LCLAT1: variants seen among roughly 807,000 people sequenced by gnomAD.
LCLAT1 encodes the protein 1-AGP acyltransferase 8.
LCLAT1 carries 11 observed loss-of-function variants against 30.7 expected under a neutral mutation model. The observed-to-expected ratio is 0.36, with a 90% CI of 0.23 to 0.59. The LOEUF is 0.59. LCLAT1 is among the 20% of genes least tolerant of loss of function. The probability of loss-of-function intolerance (pLI) is 0.77; values close to 1 mark genes in which losing one functional copy is unlikely to be tolerated. For missense variants in LCLAT1, 402 were observed against 458.6 expected (o/e 0.88, Z 1.13); for synonymous variants, 155 against 151.3 (o/e 1.02, Z -0.18).
intron 5 of LCLAT1, among the ~76,000 whole-genome samples, chr2:30,623,970 T>C (rs1445786633): frequency 6.6e-6 from 1 of 152,160 alleles, no homozygotes; most frequent in African/African-American, 2.4e-5. Context: ...TTTAGCCTTC[T>C]TAAAACAATT....
At chr2:30,486,557 G>C (rs1386297263) in intron 1 of LCLAT1, among the ~76,000 whole-genome samples, 2 of 152,074 alleles carry the variant, frequency 1.3e-5, no homozygotes, top group Non-Finnish European at 2.9e-5. Context: ...TTGTTCACAT[G>C]GTTCCCTCCT....
intron 5 of LCLAT1, among the ~76,000 whole-genome samples, chr2:30,595,959 A>G (rs2148484039): frequency 6.6e-6 from 1 of 152,278 alleles, no homozygotes; most frequent in South Asian, 2.1e-4. Context: ...TGTCCCTGCA[A>G]AGGACATGAT....
rs531346445 is a variant in LCLAT1, at chr2:30,499,616, T to C, written c.-4-25971T>C. 3.3e-5 allele frequency among the ~76,000 whole-genome samples: 5 copies of C among 152,356 alleles called. No homozygotes were observed. In the South Asian group the frequency reaches 8.3e-4, roughly 25 times the overall value. On this transcript the variant is annotated intron_variant, in intron 1 of 5. Coordinates refer to ENST00000379509, the MANE Select transcript of LCLAT1 (RefSeq NM_001002257.3). ...ATTTGAACTCTGAATTTCTGTGATA[T>C]GTGATTGTATAGGCAATGTGGCTTT...
intron 5 of LCLAT1, among the ~76,000 whole-genome samples, chr2:30,623,011 G>A (rs900600553): frequency 1.3e-5 from 2 of 151,576 alleles, no homozygotes; most frequent in Non-Finnish European, 2.9e-5. Flanking sequence ...GCTATTCAAG[G>A]AGGCACCAGA....
intron 3 of LCLAT1, among the ~76,000 whole-genome samples, chr2:30,553,209 A>G (rs17395007): frequency 0.095 from 14,459 of 152,242 alleles, 724 homozygotes; most frequent in East Asian, 0.12. Flanking sequence ...GCATAATGCC[A>G]AAATACACAT....
At chr2:30,636,665 T>C (rs1334281992) in intron 5 of LCLAT1, among the ~76,000 whole-genome samples, 1 of 152,152 alleles carries the variant, frequency 6.6e-6, no homozygotes, top group Non-Finnish European at 1.5e-5. Context: ...CTGAACATTA[T>C]AATCCCACAG....
chr2:30,460,275 C>G (rs1003512347), intron 1 of LCLAT1, among the ~76,000 whole-genome samples: 3 of 152,204 alleles, frequency 2.0e-5, no homozygotes, highest in African/African-American at 7.2e-5. Context: ...TCTGCAATCT[C>G]TGGCTGCCAC....
intron 1 of LCLAT1, among the ~76,000 whole-genome samples, chr2:30,496,778 A>G (rs549668766): frequency 6.6e-6 from 1 of 152,260 alleles, no homozygotes; most frequent in Non-Finnish European, 1.5e-5. Context: ...CTTGAACCTA[A>G]CAAGCACGTA....
intron 5 of LCLAT1, among the ~76,000 whole-genome samples, chr2:30,598,269 C>T (rs909176022): frequency 2.6e-5 from 4 of 151,982 alleles, no homozygotes; most frequent in African/African-American, 7.2e-5. Context: ...TCTGTCTGGT[C>T]CTGGGCTTTT....
intron 2 of LCLAT1, among the ~76,000 whole-genome samples, chr2:30,527,705 C>T (rs906217476): frequency 1.3e-5 from 2 of 152,104 alleles, no homozygotes; most frequent in African/African-American, 2.4e-5. Context: ...CTTAATACTA[C>T]CTACTTACAT....
chr2:30,523,180 C>T (rs829630), intron 1 of LCLAT1, among the ~76,000 whole-genome samples: 132,397 of 150,732 alleles, frequency 0.88, 58,557 homozygotes, highest in African/African-American at 0.97. Context: ...GGGTTTCAAA[C>T]AGAGCAGCAG....
chr2:30,490,170 C>T (rs551007500), intron 1 of LCLAT1, among the ~76,000 whole-genome samples: 51 of 150,796 alleles, frequency 3.4e-4, no homozygotes, highest in African/African-American at 1.0e-3. Flanking sequence ...AGTCTGACTA[C>T]AGTCTCAGCT....
chr2:30,643,826 G>C lies in LCLAT1; in HGVS notation c.*3207G>C, dbSNP rs1300324859. On this transcript the variant is annotated 3_prime_UTR_variant, in exon 6 of 6. Transcript: ENST00000379509. Reference sequence around the variant, plus strand: ...TCTGTAGTATGTAGTGTGTTTCTTAGGTAAAGTCTCTTTTTGCTACTGAAA... The same window carrying C: ...TCTGTAGTATGTAGTGTGTTTCTTACGTAAAGTCTCTTTTTGCTACTGAAA... 6.6e-6 allele frequency: 1 copy of C among 152,594 alleles called. No homozygotes were observed. Among genetic ancestry groups the C allele is most frequent in the Admixed American group, 6.5e-5 (1 of 15,276 alleles). The allele number at this position is 152,594 out of a possible 1,614,324, so 9.5% of individuals were successfully genotyped here.
intron 5 of LCLAT1, among the ~76,000 whole-genome samples, chr2:30,584,797 A>G (rs566075291): frequency 1.4e-3 from 215 of 152,294 alleles, no homozygotes; most frequent in Non-Finnish European, 2.0e-3. Context: ...TAAAAGTTTT[A>G]TGTTCTTCAG....
At chr2:30,577,561 TC>T (rs1275389548) in intron 5 of LCLAT1, among the ~76,000 whole-genome samples, 8 of 152,138 alleles carry the variant, frequency 5.3e-5, no homozygotes, top group Non-Finnish European at 1.5e-5. Flanking sequence ...CATCTCTTTT[TC>T]ATAGGAAATG....
intron 1 of LCLAT1, among the ~76,000 whole-genome samples, chr2:30,518,591 G>A (rs1462079697): frequency 6.6e-6 from 1 of 152,206 alleles, no homozygotes; most frequent in Non-Finnish European, 1.5e-5. Flanking sequence ...TTTTAGGAGT[G>A]CAGAAGCCCA....
At chr2:30,467,859 A>T (rs1391039461) in intron 1 of LCLAT1, among the ~76,000 whole-genome samples, 3 of 152,134 alleles carry the variant, frequency 2.0e-5, no homozygotes, top group Non-Finnish European at 4.4e-5. Context: ...AGATGAGTAG[A>T]TGGCAAAAAT....
At chr2:30,529,605 T>TTC (rs1465080788) in intron 2 of LCLAT1, among the ~76,000 whole-genome samples, 1 of 152,124 alleles carries the variant, frequency 6.6e-6, no homozygotes, top group Non-Finnish European at 1.5e-5. Context: ...ATTACTGGAG[T>TTC]TCTGTCCTTT....
At chr2:30,557,452 T>C (rs1299333549) in intron 3 of LCLAT1, among the ~76,000 whole-genome samples, 4 of 152,030 alleles carry the variant, frequency 2.6e-5, no homozygotes, top group Non-Finnish European at 5.9e-5. Flanking sequence ...TTCACTTTTG[T>C]CGCCCAGCCT....
Sources: allele counts gnomAD v4.1 joint callset (sites outside exome capture counted in the v4.1 genomes callset), GRCh38; gene constraint gnomAD v4.1.1; transcripts MANE v1.5; gene names NCBI Gene and HGNC (gene_info 2026-07-23, HGNC 2026-07-21).